Variants in SPDYE4 observed in about 807,000 individuals in gnomAD.
SPDYE4 encodes speedy/RINGO cell cycle regulator family member E4.
SPDYE4 carries 30 observed loss-of-function variants against 37.5 expected under a neutral mutation model. The ratio of observed to expected loss-of-function variants is 0.80; its 90% CI spans 0.60 to 1.09. The LOEUF is 1.09. Ranked by LOEUF, SPDYE4 falls within the 50% of genes least tolerant of loss-of-function variation. The pLI, the probability that SPDYE4 is intolerant of heterozygous loss-of-function variation, is 0.00. For synonymous variants in SPDYE4, 131 were observed against 120.3 expected (o/e 1.09, Z -0.58); for missense variants, 300 against 307.9 (o/e 0.97, Z 0.19).
rs2086746158 is a variant in SPDYE4, at chr17:8,753,420, C to A, written c.555G>T (p.Gly185=). 1 of 1,607,930 alleles carries A rather than the reference C, an allele frequency of 6.2e-7. No homozygotes were observed. The highest frequency in any genetic ancestry group is 8.5e-7 in the Non-Finnish European group (1 of 1,177,038). ...ACAAGGGTCGCTGGGAGTAGTTCTT[C>A]CCGTAGAGGAAGGAGAAGATGTCTT... ...PKQDIFSFLY[G]KNYSQRPLFH... Residue 185 remains glycine, a synonymous_variant, in exon 5 of 7, where the codon GGG becomes GGT. Transcript: ENST00000689094.
chr17:8,753,726 G>A (rs1314045103), intron 4 of SPDYE4, among the ~76,000 whole-genome samples: 2 of 152,132 alleles, frequency 1.3e-5, no homozygotes, highest in African/African-American at 4.8e-5. Flanking sequence ...GCTCTTGCTT[G>A]GAATCCCAGC....
intron 4 of SPDYE4, among the ~76,000 whole-genome samples, chr17:8,753,980 C>T (rs1207914869): frequency 6.6e-6 from 1 of 152,046 alleles, no homozygotes; most frequent in Non-Finnish European, 1.5e-5. Flanking sequence ...TAAGTGCCCC[C>T]AAGGACAGGA....
chr17:8,756,845 T>G (rs373790783), intron 2 of SPDYE4, among the ~76,000 whole-genome samples: 1 of 152,200 alleles, frequency 6.6e-6, no homozygotes, highest in African/African-American at 2.4e-5. Context: ...TCAAGAGACA[T>G]AGAGTTTCAG....
chr17:8,756,626 G>A (rs1213868140), intron 2 of SPDYE4, among the ~76,000 whole-genome samples, 190 bp from the exon 3 acceptor site: 1 of 152,190 alleles, frequency 6.6e-6, no homozygotes, highest in Non-Finnish European at 1.5e-5. Flanking sequence ...ATTCCCCTGA[G>A]GAGAGGCCGA....
chr17:8,753,281 A>ACCCCCC, intron 5 of SPDYE4, 40 bp downstream of exon 5: 1 of 388,120 alleles, frequency 2.6e-6, no homozygotes, highest in East Asian at 6.6e-5. Context: ...AGTCCACCCC[A>ACCCCCC]TCCCTCCCCA....
Position 8,751,617 on chromosome 17 carries a change from C to T in SPDYE4, c.*665G>A, listed in dbSNP as rs964019544. Among the ~76,000 whole-genome samples the T allele has an allele frequency of 1.3e-5, 2 of 152,130 alleles. No homozygotes were observed. The highest frequency in any genetic ancestry group is 2.4e-5 in the African/African-American group (1 of 41,436). ...TAGATAAAACGATTTAAAGAGAAAA[C>T]ATTTACGATAAAAAGAATCCTCTCT... On this transcript the variant is annotated 3_prime_UTR_variant, in exon 7 of 7. Coordinates refer to ENST00000689094, the MANE Select transcript of SPDYE4 (RefSeq NM_001394956.1).
At chr17:8,752,651 T>C (rs975306452) in intron 6 of SPDYE4, among the ~76,000 whole-genome samples, 3 of 152,084 alleles carry the variant, frequency 2.0e-5, no homozygotes, top group African/African-American at 7.2e-5. Flanking sequence ...AGATTCCTAA[T>C]CCCCAACCTT....
intron 5 of SPDYE4, 46 bp downstream of exon 5, chr17:8,753,275 C>CCCCCCCA: frequency 1.9e-6 from 3 of 1,559,084 alleles, no homozygotes; most frequent in Non-Finnish European, 2.6e-6. Context: ...GCCTCCAGTC[C>CCCCCCCA]ACCCCATCCC....
At chr17:8,749,251 C>G (rs2086710887), downstream of SPDYE4, among the ~76,000 whole-genome samples, 1 of 138,344 alleles carries the variant, frequency 7.2e-6, no homozygotes, top group East Asian at 2.2e-4. Flanking sequence ...CACCACCACA[C>G]CTGGCTAAGT....
chr17:8,755,574 C>T lies in SPDYE4; in HGVS notation c.431G>A (p.Ser144Asn), dbSNP rs1188531955. Residue 144 changes from serine (S) to asparagine (N), a missense_variant, in exon 4 of 7, where the codon AGC becomes AAC. Transcript: ENST00000689094. ...TTGCCACGAGAAGAGGCCGGCACGGCTAAAATACGCTATGACCATAGCCAG... is the reference window on the plus strand; with the variant it reads ...TTGCCACGAGAAGAGGCCGGCACGGTTAAAATACGCTATGACCATAGCCAG... ...YLLAMVIAYF[S>N]RAGLFSWQYQ... is the part of the protein sequence containing the mutation. 1 of 1,612,516 alleles carries T rather than the reference C, an allele frequency of 6.2e-7. No individual in the cohort carries two copies. The highest frequency in any genetic ancestry group is 8.5e-7 in the Non-Finnish European group (1 of 1,179,546).
In SPDYE4 at chr17:8,753,383, G is replaced by A. The variant is rs751091456; in HGVS notation, c.592C>T (p.Arg198Ter). The A allele has an allele frequency of 8.8e-6, 14 of 1,591,600 alleles. No individual in the cohort carries two copies. The South Asian group carries it at 9.1e-5, about 10-fold the overall frequency. ...CGCATGGAACAGAGGAGCTGGTATC[G>A]AAGCTTATGGAACAAGGGTCGCTGG... ...YSQRPLFHKL[R>*]YQLLCSMRWR... Residue 198 changes from arginine (R) to a stop codon, truncating the protein, a stop_gained, in exon 5 of 7, where the codon CGA becomes TGA. Coordinates refer to ENST00000689094, the MANE Select transcript of SPDYE4 (RefSeq NM_001394956.1). LOFTEE classifies it high-confidence loss of function.
At chr17:8,747,705 T>C (rs1206673070), downstream of SPDYE4, among the ~76,000 whole-genome samples, 2 of 152,206 alleles carry the variant, frequency 1.3e-5, no homozygotes, top group African/African-American at 2.4e-5. Flanking sequence ...CTGAAGACTT[T>C]ACAAGTCTAA....
intron 4 of SPDYE4, chr17:8,755,316 G>T (rs2086762610): frequency 1.5e-6 from 1 of 655,638 alleles, no homozygotes; most frequent in Non-Finnish European, 2.4e-6. Flanking sequence ...GTTTCCTTTT[G>T]TTTGATTCTA....
At position 8,755,535 on chromosome 17, in the gene SPDYE4, T is replaced by C. The variant is rs1484337888; in HGVS notation, c.470A>G (p.His157Arg). Residue 157 changes from histidine (H) to arginine (R), a missense_variant, in exon 4 of 7, where the codon CAT (histidine) becomes CGT (arginine). By Grantham distance (29) the His-to-Arg change is conservative. Transcript: ENST00000689094. The stretch of plus-strand genomic sequence containing the variant: ...AACTACTCACAGAGCCAGGAAGAAA[T>C]GAATGCGTTGGTATTGCCACGAGAA... ...GLFSWQYQRIHFFLALYLASD... is the reference protein window; with the variant it reads ...GLFSWQYQRIRFFLALYLASD... 6.2e-7 allele frequency: 1 copy of C among 1,611,436 alleles called. No homozygotes were observed. Among genetic ancestry groups the C allele is most frequent in the African/African-American group, 1.3e-5 (1 of 74,858 alleles).
At position 8,753,151 on chromosome 17, in the gene SPDYE4, G is replaced by A. The variant is rs763174352; in HGVS notation, c.701C>T (p.Thr234Ile). The stretch of plus-strand genomic sequence containing the variant: ...GTCCCCGGAGCTCTAGGAAATGAGG[G>A]TGCGATCTCGGGCCCACACCCAGTG... ...PEHWVWARDR[T>I]LIS The change falls in exon 6 of 7, where the codon ACC (threonine) becomes ATC (isoleucine). Residue 234 changes from threonine to isoleucine, a missense_variant. Thr to Ile is a moderately conservative substitution (Grantham distance 89). Coordinates refer to ENST00000689094, the MANE Select transcript of SPDYE4 (RefSeq NM_001394956.1). The A allele has an allele frequency of 6.2e-6, 10 of 1,614,086 alleles. No individual in the cohort carries two copies. Among genetic ancestry groups the A allele is most frequent in the Non-Finnish European group, 8.5e-6 (10 of 1,180,014 alleles).
Position 8,751,674 on chromosome 17 carries a change from A to C in SPDYE4, c.*608T>G, listed in dbSNP as rs1252462037. 6.6e-6 allele frequency among the ~76,000 whole-genome samples: 1 copy of C among 152,248 alleles called. No homozygotes were observed. Among genetic ancestry groups the C allele is most frequent in the African/African-American group, 2.4e-5 (1 of 41,462 alleles). ...TGAAAACTAAATTATATTTATGTGT[A>C]TATAACAACCGTCAGAGAACTCTAT... On this transcript the variant is annotated 3_prime_UTR_variant, in exon 7 of 7. Coordinates refer to ENST00000689094, the MANE Select transcript of SPDYE4 (RefSeq NM_001394956.1).
chr17:8,753,392 G>A lies in SPDYE4; in HGVS notation c.583C>T (p.His195Tyr), dbSNP rs754531721. The part of the protein sequence containing the change: ...GKNYSQRPLF[H>Y]KLRYQLLCSM... Reference sequence around the variant, plus strand: ...CAGAGGAGCTGGTATCGAAGCTTATGGAACAAGGGTCGCTGGGAGTAGTTC... The same window carrying A: ...CAGAGGAGCTGGTATCGAAGCTTATAGAACAAGGGTCGCTGGGAGTAGTTC... Residue 195 changes from histidine (H) to tyrosine (Y), a missense_variant, in exon 5 of 7, where the codon CAT becomes TAT. Transcript: ENST00000689094. 4 of 1,594,558 alleles carry A rather than the reference G, an allele frequency of 2.5e-6. No homozygotes were observed. In the South Asian group the frequency reaches 4.5e-5, roughly 18 times the overall value.
rs2086790143 is a variant in SPDYE4, at chr17:8,758,147, C to T, written c.109+127G>A. On this transcript the variant is annotated intron_variant, in intron 1 of 6. Coordinates refer to ENST00000689094, the MANE Select transcript of SPDYE4 (RefSeq NM_001394956.1). ...TCCCTGCACCCTCCTTCCCCGATCC[C>T]TGGCTTCCTGAGTCCGTCGTTTCTT... is the stretch of plus-strand genomic sequence containing the variant. 1.4e-5 allele frequency: 11 copies of T among 790,932 alleles called. No individual in the cohort carries two copies. The South Asian group carries it at 2.0e-4, about 15-fold the overall frequency. 49.0% of individuals were successfully genotyped at this position (790,932 alleles called of 1,614,324 possible).
chr17:8,749,064 A>G (rs12449729), downstream of SPDYE4, among the ~76,000 whole-genome samples: 73,590 of 151,798 alleles, frequency 0.48, 19,209 homozygotes, highest in East Asian at 0.6. Context: ...GCAGATAGAT[A>G]CAACAGACCT....
Sources: gnomAD v4.1 joint callset for allele counts (sites outside exome capture counted in the v4.1 genomes callset) on GRCh38, gnomAD v4.1.1 for gene constraint, MANE v1.5 for transcripts, NCBI Gene and HGNC (gene_info 2026-07-23, HGNC 2026-07-21) for gene names.